The following PXDNL variants were observed in gnomAD, a reference collection of about 807,000 sequenced individuals.
PXDNL encodes peroxidasin like, also known as probable oxidoreductase PXDNL.
Under a neutral mutation model 150.8 loss-of-function variants are expected in PXDNL, and 145 were observed. The observed-to-expected ratio is 0.96, with a 90% confidence interval of 0.84 to 1.10. The LOEUF (loss-of-function observed/expected upper bound fraction) is 1.10. Ranked by LOEUF, PXDNL falls within the 50% of genes least tolerant of loss-of-function variation. The pLI is 0.00. For synonymous variants in PXDNL, 757 were observed against 725.7 expected (o/e 1.04, Z -0.69); for missense variants, 2,087 against 1,873.9 (o/e 1.11, Z -2.10).
In PXDNL at chr8:51,714,819, C is replaced by G. The variant is rs577507023; in HGVS notation, c.165-60059G>C. 2.0e-5 allele frequency among the ~76,000 whole-genome samples: 3 copies of G among 152,264 alleles called. No individual in the cohort carries two copies. In the East Asian group the frequency reaches 5.8e-4, roughly 29 times the overall value. Reference sequence around the variant, plus strand: ...TGCTTTGGTATTATCCTCTATTTTCCTACTCAACTTACAAATTCAAAAGCT... The same window carrying G: ...TGCTTTGGTATTATCCTCTATTTTCGTACTCAACTTACAAATTCAAAAGCT... On this transcript the variant is annotated intron_variant, in intron 1 of 22. Coordinates refer to ENST00000356297, the MANE Select transcript of PXDNL (RefSeq NM_144651.5).
intron 1 of PXDNL, among the ~76,000 whole-genome samples, chr8:51,691,139 A>G (rs193079974): frequency 0.014 from 2,082 of 152,202 alleles, 47 homozygotes; most frequent in African/African-American, 0.047. Context: ...CTCTGATGGT[A>G]GTTTCTTTTG....
intron 5 of PXDNL, among the ~76,000 whole-genome samples, chr8:51,491,100 C>T (rs1032889684): frequency 6.6e-6 from 1 of 152,074 alleles, no homozygotes; most frequent in African/African-American, 2.4e-5. Flanking sequence ...TCCCAGACTA[C>T]ATTTTTCTAC....
intron 4 of PXDNL, among the ~76,000 whole-genome samples, chr8:51,535,605 A>C (rs12541129): frequency 7.6e-6 from 1 of 132,290 alleles, no homozygotes; most frequent in Non-Finnish European, 1.6e-5. Context: ...TCCTCTGCCT[A>C]GGAAAACCAG....
chr8:51,735,555 T>TTGTTTTTTTTTTG, intron 1 of PXDNL, among the ~76,000 whole-genome samples: 1 of 114,712 alleles, frequency 8.7e-6, no homozygotes. Flanking sequence ...TTTTTTTTTT[T>TTGTTTTTTTTTTG]TTTTTTTTTG....
chr8:51,520,755 C>T (rs1054025932), intron 4 of PXDNL, among the ~76,000 whole-genome samples: 6 of 152,082 alleles, frequency 3.9e-5, no homozygotes, highest in African/African-American at 1.4e-4. Context: ...CTGAAGCCTG[C>T]ATACCTCAGC....
At chr8:51,449,301 A>G (rs1809752095) in intron 10 of PXDNL, among the ~76,000 whole-genome samples, 183 bp from the exon 11 acceptor site, 1 of 152,258 alleles carries the variant, frequency 6.6e-6, no homozygotes, top group African/African-American at 2.4e-5. Flanking sequence ...CAAGGAAGCC[A>G]GAAATACACA....
chr8:51,457,441 A>G, intron 9 of PXDNL, 57 bp downstream of exon 9: 2 of 1,360,552 alleles, frequency 1.5e-6, no homozygotes, highest in Non-Finnish European at 2.0e-6. Flanking sequence ...TAAAGCAGCA[A>G]TATTAGATCA....
intron 2 of PXDNL, among the ~76,000 whole-genome samples, chr8:51,644,337 T>C (rs544091313): frequency 0.16 from 7,887 of 50,214 alleles, 1,508 homozygotes; most frequent in African/African-American, 0.3. Flanking sequence ...TATATATATA[T>C]ACACACACAC....
intron 17 of PXDNL, among the ~76,000 whole-genome samples, chr8:51,389,567 C>T (rs538948774): frequency 6.6e-6 from 1 of 152,268 alleles, no homozygotes; most frequent in African/African-American, 2.4e-5. Context: ...GGTACTAAAA[C>T]CTCAACTTCT....
chr8:51,572,623 T>C (rs1812970790), intron 3 of PXDNL, among the ~76,000 whole-genome samples: 1 of 151,836 alleles, frequency 6.6e-6, no homozygotes, highest in Admixed American at 6.6e-5. Context: ...TAGAAATGGA[T>C]AGTGGTGATG....
At chr8:51,504,101 A>T (rs141143097) in intron 4 of PXDNL, among the ~76,000 whole-genome samples, 12 of 151,964 alleles carry the variant, frequency 7.9e-5, no homozygotes, top group Middle Eastern at 3.4e-3. Flanking sequence ...TGCGTTTTTT[A>T]TTTTGCCTCC....
chr8:51,575,334 A>T (rs1813027018), intron 3 of PXDNL, among the ~76,000 whole-genome samples: 1 of 152,094 alleles, frequency 6.6e-6, no homozygotes, highest in African/African-American at 2.4e-5. Flanking sequence ...AAAAAGAGAA[A>T]GCACAGAAAA....
At chr8:51,394,316 G>A (rs1586066815) in intron 17 of PXDNL, among the ~76,000 whole-genome samples, 2 of 152,152 alleles carry the variant, frequency 1.3e-5, no homozygotes, top group Non-Finnish European at 2.9e-5. Flanking sequence ...TTAGAGTAAA[G>A]CTATCCCATC....
At chr8:51,563,811 G>A (rs1324319626) in intron 3 of PXDNL, among the ~76,000 whole-genome samples, 2 of 151,986 alleles carry the variant, frequency 1.3e-5, no homozygotes, top group Non-Finnish European at 2.9e-5. Flanking sequence ...CTCAGTCTCT[G>A]TGTGGTATCA....
intron 3 of PXDNL, among the ~76,000 whole-genome samples, chr8:51,563,273 C>A (rs985236786): frequency 6.6e-6 from 1 of 151,974 alleles, no homozygotes; most frequent in Non-Finnish European, 1.5e-5. Flanking sequence ...AGGTCTGGCA[C>A]TGTTTGGTTT....
chr8:51,727,499 A>G (rs1816836909), intron 1 of PXDNL, among the ~76,000 whole-genome samples: 1 of 152,234 alleles, frequency 6.6e-6, no homozygotes, highest in Admixed American at 6.5e-5. Flanking sequence ...ATCACTTAGA[A>G]GAATACAAAA....
chr8:51,491,302 C>A (rs752024308), intron 5 of PXDNL, among the ~76,000 whole-genome samples: 2 of 151,966 alleles, frequency 1.3e-5, no homozygotes, highest in Non-Finnish European at 2.9e-5. Context: ...CTCTAGAGAA[C>A]CCTAATACAC....
At chr8:51,630,027 A>T (rs1814458796) in intron 2 of PXDNL, among the ~76,000 whole-genome samples, 1 of 152,224 alleles carries the variant, frequency 6.6e-6, no homozygotes, top group Admixed American at 6.5e-5. Context: ...ACATTATCCA[A>T]CTTCAAACTA....
chr8:51,700,074 G>A (rs1401880383), intron 1 of PXDNL, among the ~76,000 whole-genome samples: 1 of 152,054 alleles, frequency 6.6e-6, no homozygotes, highest in Non-Finnish European at 1.5e-5. Flanking sequence ...AGACTTGCTG[G>A]AGGCAGGGTA....
Sources: allele counts gnomAD v4.1 joint callset (sites outside exome capture counted in the v4.1 genomes callset), GRCh38; gene constraint gnomAD v4.1.1; transcripts MANE v1.5; gene names NCBI Gene and HGNC (gene_info 2026-07-23, HGNC 2026-07-21).